SUGCT: variants seen among roughly 807,000 people sequenced by gnomAD.
SUGCT encodes the protein succinyl-CoA:glutarate CoA-transferase.
Under a neutral mutation model 55.0 loss-of-function variants are expected in SUGCT, and 41 were observed. The ratio of observed to expected loss-of-function variants is 0.74; its 90% CI spans 0.58 to 0.97. SUGCT has a LOEUF of 0.97. Among genes scored for constraint, SUGCT ranks in the 50% least tolerant of loss-of-function variants. The probability of loss-of-function intolerance (pLI) is 0.00; values close to 1 mark genes in which losing one functional copy is unlikely to be tolerated. For missense variants in SUGCT, 568 were observed against 547.8 expected, an observed-to-expected ratio of 1.04 and a Z score of -0.37; for synonymous variants, 187 against 200.4, an observed-to-expected ratio of 0.93 and a Z score of 0.56.
At chr7:40,227,297 C>T (rs376997461) in intron 6 of SUGCT, among the ~76,000 whole-genome samples, 21 of 152,070 alleles carry the variant, frequency 1.4e-4, no homozygotes, top group South Asian at 1.0e-3. Flanking sequence ...GATCCACCCC[C>T]GCTTGGCCTC....
At chr7:40,199,678 C>G (rs1360451545) in intron 6 of SUGCT, among the ~76,000 whole-genome samples, 1 of 152,058 alleles carries the variant, frequency 6.6e-6, no homozygotes, top group African/African-American at 2.4e-5. Context: ...TGTTATTTCT[C>G]CTGTTCTTGT....
chr7:40,196,576 C>T (rs1346107147), intron 6 of SUGCT, among the ~76,000 whole-genome samples: 3 of 152,092 alleles, frequency 2.0e-5, no homozygotes, highest in Non-Finnish European at 4.4e-5. Flanking sequence ...GAATGCCCTA[C>T]CCATATGGTG....
chr7:40,612,263 G>C (rs984720545), intron 12 of SUGCT, among the ~76,000 whole-genome samples: 1 of 152,146 alleles, frequency 6.6e-6, no homozygotes, highest in African/African-American at 2.4e-5. Flanking sequence ...TCTATGCAAA[G>C]TGCTCTGGAA....
chr7:40,680,950 G>T (rs1389476093), intron 12 of SUGCT, among the ~76,000 whole-genome samples: 1 of 152,098 alleles, frequency 6.6e-6, no homozygotes, highest in East Asian at 1.9e-4. Context: ...TTGTAAGTGC[G>T]AGCATGTTTC....
At chr7:40,485,860 A>G (rs187852527) in intron 11 of SUGCT, among the ~76,000 whole-genome samples, 22 of 152,284 alleles carry the variant, frequency 1.4e-4, no homozygotes, top group African/African-American at 5.3e-4. Context: ...CATTAGGTTG[A>G]ACCATCTTTG....
At chr7:40,255,567 G>A (rs930203837) in intron 7 of SUGCT, among the ~76,000 whole-genome samples, 9 of 146,530 alleles carry the variant, frequency 6.1e-5, no homozygotes, top group Non-Finnish European at 1.0e-4. Context: ...AGGCTGAGAC[G>A]GTAGAATTGC....
chr7:40,976,163 A>G, the SUGCT span, among the ~76,000 whole-genome samples: 58,142 of 152,028 alleles, frequency 0.38, 11,213 homozygotes, highest in South Asian at 0.42. Flanking sequence ...CAAGGGAGCC[A>G]TGAGGTGGGT....
chr7:40,446,686 T>A (rs577989380), intron 9 of SUGCT, among the ~76,000 whole-genome samples: 1 of 152,324 alleles, frequency 6.6e-6, no homozygotes, highest in South Asian at 2.1e-4. Context: ...TTTGGTTGAT[T>A]CATTAGCATT....
chr7:40,571,479 C>T (rs1796444867), intron 12 of SUGCT, among the ~76,000 whole-genome samples: 1 of 152,052 alleles, frequency 6.6e-6, no homozygotes, highest in Non-Finnish European at 1.5e-5. Context: ...TTTCCTATTT[C>T]AAAATTTTAA....
At chr7:40,226,489 C>T (rs1788363122) in intron 6 of SUGCT, among the ~76,000 whole-genome samples, 1 of 152,050 alleles carries the variant, frequency 6.6e-6, no homozygotes, top group South Asian at 2.1e-4. Flanking sequence ...AACACAAAGA[C>T]CAAAAACGCT....
Position 40,508,709 on chromosome 7 carries a change from T to TA in SUGCT, c.1089+12333dup, listed in dbSNP as rs571742922. On this transcript the variant is annotated intron_variant, in intron 12 of 13. Coordinates refer to ENST00000335693, the MANE Select transcript of SUGCT (RefSeq NM_001193313.2). ...CAGTAATTTCCAGAGAATTTCAGTT[T>TA]AAAAAAAAAATTTTCACCAGAAAAA... Among the ~76,000 whole-genome samples, 8 of 151,072 alleles carry TA rather than the reference T, an allele frequency of 5.3e-5. No homozygotes were observed. The East Asian group carries it at 5.8e-4, about 11-fold the overall frequency.
the SUGCT span, among the ~76,000 whole-genome samples, chr7:40,908,928 G>A: frequency 6.6e-6 from 1 of 152,212 alleles, no homozygotes; most frequent in African/African-American, 2.4e-5. Flanking sequence ...TTTTTTAAAT[G>A]ACCATGGATG....
chr7:40,352,984 T>C (rs1202601435), intron 9 of SUGCT, among the ~76,000 whole-genome samples: 1 of 152,240 alleles, frequency 6.6e-6, no homozygotes, highest in African/African-American at 2.4e-5. Flanking sequence ...TGGTGTGAGA[T>C]GGTAACTCAT....
At chr7:40,461,071 A>T (rs1295827158) in intron 11 of SUGCT, among the ~76,000 whole-genome samples, 3 of 152,094 alleles carry the variant, frequency 2.0e-5, no homozygotes, top group Non-Finnish European at 4.4e-5. Context: ...TATGAGTTGC[A>T]GTTCTCCAAG....
At chr7:40,647,285 G>A (rs1388217061) in intron 12 of SUGCT, among the ~76,000 whole-genome samples, 8 of 152,104 alleles carry the variant, frequency 5.3e-5, no homozygotes, top group African/African-American at 1.9e-4. Context: ...TATCTAAGGG[G>A]TCACTTTCAG....
the SUGCT span, among the ~76,000 whole-genome samples, chr7:40,909,840 CT>C: frequency 6.6e-6 from 1 of 152,148 alleles, no homozygotes. Flanking sequence ...AAATTCCTTA[CT>C]GAGTGGCGGC....
intron 12 of SUGCT, among the ~76,000 whole-genome samples, chr7:40,519,769 A>C (rs1793429250): frequency 6.6e-6 from 1 of 152,110 alleles, no homozygotes; most frequent in African/African-American, 2.4e-5. Context: ...TTAATAATTA[A>C]TAAAAATTAC....
intron 13 of SUGCT, among the ~76,000 whole-genome samples, chr7:40,754,285 G>A (rs577448054): frequency 6.6e-6 from 1 of 152,158 alleles, no homozygotes; most frequent in Admixed American, 6.5e-5. Context: ...TAACATTCTG[G>A]TGTTCTAAGA....
the SUGCT span, among the ~76,000 whole-genome samples, chr7:40,881,399 TCAA>T: frequency 5.9e-5 from 9 of 151,996 alleles, no homozygotes; most frequent in African/African-American, 1.7e-4. Context: ...TTCTGGGGAC[TCAA>T]TGATGTACAG....
Sources: allele counts gnomAD v4.1 joint callset (sites outside exome capture counted in the v4.1 genomes callset), GRCh38; gene constraint gnomAD v4.1.1; transcripts MANE v1.5; gene names NCBI Gene and HGNC (gene_info 2026-07-23, HGNC 2026-07-21).